Variants in SYT13 observed in about 807,000 individuals in gnomAD.
The protein encoded by SYT13 is synaptotagmin-13.
SYT13 carries 21 observed loss-of-function variants against 38.6 expected under a neutral mutation model. The ratio of observed to expected loss-of-function variants is 0.54; its 90% CI spans 0.39 to 0.78. The LOEUF (loss-of-function observed/expected upper bound fraction) is 0.78. Ranked by LOEUF, SYT13 falls within the 30% of genes least tolerant of loss-of-function variation. SYT13 has a pLI of 0.00. For missense variants in SYT13, 495 were observed against 548.7 expected (o/e 0.90, Z 0.98); for synonymous variants, 241 against 237.6 (o/e 1.01, Z -0.13).
intron 1 of SYT13, among the ~76,000 whole-genome samples, chr11:45,256,463 C>T (rs963719077): frequency 6.6e-6 from 1 of 152,182 alleles, no homozygotes; most frequent in Admixed American, 6.5e-5. Context: ...AACTGTCCAC[C>T]CCTACCTCCA....
chr11:45,276,253 T>C (rs1232696820), intron 1 of SYT13, among the ~76,000 whole-genome samples: 1 of 152,102 alleles, frequency 6.6e-6, no homozygotes, highest in African/African-American at 2.4e-5. Context: ...TATGTAGCCA[T>C]AAAAAAGGAT....
At chr11:45,256,723 C>T (rs74754379) in intron 1 of SYT13, among the ~76,000 whole-genome samples, 1 of 152,300 alleles carries the variant, frequency 6.6e-6, no homozygotes, top group African/African-American at 2.4e-5. Flanking sequence ...CTTGCTCCTG[C>T]CTAGATTAGC....
intron 1 of SYT13, among the ~76,000 whole-genome samples, chr11:45,284,525 A>G (rs146249197): frequency 1.3e-5 from 2 of 152,208 alleles, no homozygotes; most frequent in East Asian, 1.9e-4. Flanking sequence ...GAGAGACACA[A>G]CCTGGTTTTT....
At chr11:45,261,605 AAG>A (rs1854817588) in intron 1 of SYT13, among the ~76,000 whole-genome samples, 1 of 151,422 alleles carries the variant, frequency 6.6e-6, no homozygotes, top group Non-Finnish European at 1.5e-5. Context: ...TAAAAAAAAA[AAG>A]AAAAGAAAAC....
chr11:45,262,206 T>A (rs1854825572), intron 1 of SYT13, among the ~76,000 whole-genome samples: 1 of 152,162 alleles, frequency 6.6e-6, no homozygotes, highest in Admixed American at 6.5e-5. Context: ...CCAAGTGAAA[T>A]CAACCAGTCA....
intron 1 of SYT13, among the ~76,000 whole-genome samples, chr11:45,268,664 T>C (rs186401926): frequency 4.6e-5 from 7 of 152,314 alleles, no homozygotes; most frequent in African/African-American, 1.4e-4. Flanking sequence ...GAACTGGGAA[T>C]TGAACCCAGG....
At chr11:45,274,086 T>C (rs1854981834) in intron 1 of SYT13, among the ~76,000 whole-genome samples, 1 of 152,180 alleles carries the variant, frequency 6.6e-6, no homozygotes, top group Non-Finnish European at 1.5e-5. Context: ...TGAATTCAAA[T>C]TCAGGTTTTT....
At chr11:45,265,662 A>C (rs1209049737) in intron 1 of SYT13, among the ~76,000 whole-genome samples, 1 of 152,100 alleles carries the variant, frequency 6.6e-6, no homozygotes, top group African/African-American at 2.4e-5. Context: ...TGTCTTCTTC[A>C]AGGGCACTAA....
rs777201410 is a variant in SYT13, at chr11:45,240,431, T to C, written c.*3621A>G. 4 of 152,750 alleles carry C rather than the reference T, an allele frequency of 2.6e-5. No individual in the cohort carries two copies. Among genetic ancestry groups the C allele is most frequent in the South Asian group, 2.1e-4 (1 of 4,824 alleles). The allele number at this position is 152,750 out of a possible 1,614,324, so 9.5% of individuals were successfully genotyped here. On this transcript the variant is annotated 3_prime_UTR_variant, in exon 6 of 6. Transcript: ENST00000020926. ...TGACTGCAAAACACACACTTAGCATTTGACAACAGGAAACACAGAGGGCAG... is the reference window on the plus strand; with the variant it reads ...TGACTGCAAAACACACACTTAGCATCTGACAACAGGAAACACAGAGGGCAG...
intron 2 of SYT13, 92 bp downstream of exon 2, chr11:45,255,571 GCCT>G: frequency 8.1e-7 from 1 of 1,240,820 alleles, no homozygotes; most frequent in Non-Finnish European, 1.1e-6. Context: ...GGGGCACTCG[GCCT>G]CCTCATCAGG....
chr11:45,250,934 A>G (rs1854666400), intron 4 of SYT13, among the ~76,000 whole-genome samples: 1 of 152,080 alleles, frequency 6.6e-6, no homozygotes, highest in Non-Finnish European at 1.5e-5. Flanking sequence ...AAGGTCTGCC[A>G]TTTCCTGGCT....
chr11:45,254,407 G>T lies in SYT13; in HGVS notation c.410-3C>A. On this transcript the variant is annotated splice_region_variant and splice_polypyrimidine_tract_variant and intron_variant, in intron 2 of 5. Transcript: ENST00000020926. ...GACACAGACATCCTCCACCACACCT[G>T]TTAAGAAAGTCGAAATCGTCACTGC... 6.2e-7 allele frequency: 1 copy of T among 1,610,338 alleles called. No individual in the cohort carries two copies. The highest frequency in any genetic ancestry group is 1.7e-5 in the Admixed American group (1 of 59,290).
At position 45,243,820 on chromosome 11, in the gene SYT13, C is replaced by T. The variant is rs1225033750; in HGVS notation, c.*232G>A. 2 of 514,078 alleles carry T rather than the reference C, an allele frequency of 3.9e-6. No homozygotes were observed. The highest frequency in any genetic ancestry group is 6.8e-6 in the Non-Finnish European group (2 of 293,398). The allele number at this position is 514,078 out of a possible 1,614,324, so 31.8% of individuals were successfully genotyped here. A position where few individuals can be genotyped will look rare whatever the true frequency, so the allele number is the denominator to read the frequency against. ...TAGGAACTGTATTTAATAAGCACCT[C>T]CTTCAATAACACAGATGAGCAAAAT... On this transcript the variant is annotated 3_prime_UTR_variant, in exon 6 of 6. Transcript: ENST00000020926.
rs779510856 is a variant in SYT13 at position 45,286,218 on chromosome 11, C to T, written c.-11G>A. 6.5e-7 allele frequency: 1 copy of T among 1,536,720 alleles called. No individual in the cohort carries two copies. Among genetic ancestry groups the T allele is most frequent in the South Asian group, 1.2e-5 (1 of 83,690 alleles). On this transcript the variant is annotated 5_prime_UTR_variant, in exon 1 of 6. Coordinates refer to ENST00000020926, the MANE Select transcript of SYT13 (RefSeq NM_020826.3). ...CACCGACAGCACCATGGTGCCCGCT[C>T]CCGGCGAGGGGCTGGGTCCCGCAGC...
chr11:45,276,595 A>C (rs925089353), intron 1 of SYT13, among the ~76,000 whole-genome samples: 19 of 152,252 alleles, frequency 1.2e-4, no homozygotes, highest in Admixed American at 1.2e-3. Context: ...TTTTAAAAAA[A>C]CTTGCCAGCT....
chr11:45,245,359 G>A (rs1267621205), intron 5 of SYT13, among the ~76,000 whole-genome samples: 1 of 152,206 alleles, frequency 6.6e-6, no homozygotes, highest in African/African-American at 2.4e-5. Flanking sequence ...TTTCTACAGA[G>A]AGAGTTGAGA....
In SYT13 at chr11:45,252,371, C is replaced by A; in HGVS notation, c.846+50G>T. The A allele has an allele frequency of 4.6e-6, 7 of 1,508,548 alleles. No homozygotes were observed. The highest frequency in any genetic ancestry group is 6.2e-6 in the Non-Finnish European group (7 of 1,130,340). The allele number at this position is 1,508,548 out of a possible 1,614,324, so 93.4% of individuals were successfully genotyped here. On this transcript the variant is annotated intron_variant, in intron 4 of 5. Coordinates refer to ENST00000020926, the MANE Select transcript of SYT13 (RefSeq NM_020826.3). The surrounding 1 kb of genome is among the most constrained non-coding windows in gnomAD (Gnocchi z 4.3). ...CTGGGAGGACACCAGGTTCTGCCAT[C>A]CCATGCTGCACGGGCAGGTTTTACC...
At chr11:45,258,776 G>T (rs186932556) in intron 1 of SYT13, among the ~76,000 whole-genome samples, 7 of 152,226 alleles carry the variant, frequency 4.6e-5, no homozygotes, top group African/African-American at 1.4e-4. Flanking sequence ...GGCGAAGACC[G>T]GGCTTGGGGG....
chr11:45,249,741 G>C (rs914223055), intron 4 of SYT13, among the ~76,000 whole-genome samples: 3 of 152,136 alleles, frequency 2.0e-5, no homozygotes, highest in South Asian at 2.1e-4. Flanking sequence ...ACACACCAGG[G>C]CATGTCAGGG....
Sources: gnomAD v4.1 joint callset for allele counts (sites outside exome capture counted in the v4.1 genomes callset) on GRCh38, gnomAD v4.1.1 for gene constraint, Gnocchi (gnomAD v3.1) non-coding constraint, MANE v1.5 for transcripts, NCBI Gene and HGNC (gene_info 2026-07-23, HGNC 2026-07-21) for gene names.